The following DNAJB6 variants were observed in gnomAD, a reference collection of about 807,000 sequenced individuals.
DNAJB6 encodes DnaJ heat shock protein family (Hsp40) member B6, also known as dnaJ homolog subfamily B member 6.
In DNAJB6, 16 loss-of-function variants were observed where a neutral mutation model predicts 42.7. The ratio of observed to expected loss-of-function variants is 0.37; its 90% CI spans 0.25 to 0.57. The LOEUF (loss-of-function observed/expected upper bound fraction) is 0.57, where lower values mean the gene tolerates loss of function less well. DNAJB6 is among the 20% of genes least tolerant of loss of function. DNAJB6 has a pLI of 0.74. For missense variants in DNAJB6, 347 were observed against 416.8 expected (o/e 0.83, Z 1.46); for synonymous variants, 170 against 163.5 (o/e 1.04, Z -0.30).
At chr7:157,342,275 C>T (rs1188125074) in intron 1 of DNAJB6, among the ~76,000 whole-genome samples, 1 of 151,078 alleles carries the variant, frequency 6.6e-6, no homozygotes, top group Admixed American at 6.6e-5. Context: ...TCAAGTGATT[C>T]TCCTACCTCA....
chr7:157,410,033 G>T (rs1364355625), intron 9 of DNAJB6, 32 bp downstream of exon 9: 2 of 1,500,138 alleles, frequency 1.3e-6, no homozygotes, highest in South Asian at 1.3e-5. Flanking sequence ...TGGAGCAGGC[G>T]CAGAGTGAGA....
At chr7:157,342,381 A>T (rs1425324986) in intron 1 of DNAJB6, among the ~76,000 whole-genome samples, 1 of 109,958 alleles carries the variant, frequency 9.1e-6, no homozygotes, top group Non-Finnish European at 1.7e-5. Context: ...CTTGTTGCCC[A>T]GGCTGGAGTG....
chr7:157,412,228 C>G (rs1795999052), intron 9 of DNAJB6: 1 of 152,146 alleles, frequency 6.6e-6, no homozygotes, highest in South Asian at 2.1e-4. Context: ...AGTGAAATTG[C>G]AAAGCAGGGT....
intron 8 of DNAJB6, among the ~76,000 whole-genome samples, chr7:157,386,751 G>T (rs1299950401): frequency 6.6e-6 from 1 of 152,090 alleles, no homozygotes; most frequent in Admixed American, 6.6e-5. Flanking sequence ...GGGTGTGGTG[G>T]CAGGCGCCTG....
chr7:157,403,899 C>G (rs1795643304), intron 8 of DNAJB6, among the ~76,000 whole-genome samples: 1 of 152,244 alleles, frequency 6.6e-6, no homozygotes, highest in East Asian at 1.9e-4. Flanking sequence ...CACCCTGACC[C>G]AGGAGCCTCA....
intron 1 of DNAJB6, among the ~76,000 whole-genome samples, chr7:157,352,222 C>T (rs984296047): frequency 6.6e-6 from 1 of 151,696 alleles, no homozygotes; most frequent in African/African-American, 2.4e-5. Context: ...CCAGCTACTC[C>T]AGAGGCTGAG....
intron 1 of DNAJB6, among the ~76,000 whole-genome samples, chr7:157,355,450 G>A (rs180999317): frequency 0.011 from 1,691 of 152,338 alleles, 15 homozygotes; most frequent in Non-Finnish European, 0.018. Flanking sequence ...GTGAGCCACC[G>A]CACCCGGCCA....
intron 8 of DNAJB6, among the ~76,000 whole-genome samples, chr7:157,388,764 C>T (rs1193970699): frequency 6.6e-6 from 1 of 152,022 alleles, no homozygotes; most frequent in Non-Finnish European, 1.5e-5. Flanking sequence ...CCCTGTTTGG[C>T]ATCCTTTTGT....
At chr7:157,366,644 G>A (rs1368746022) in intron 4 of DNAJB6, 83 bp downstream of exon 4, 4 of 1,323,020 alleles carry the variant, frequency 3.0e-6, no homozygotes, top group Non-Finnish European at 4.3e-6. Context: ...CTTGGTCAGA[G>A]TCGATTTTGT....
intron 8 of DNAJB6, among the ~76,000 whole-genome samples, chr7:157,408,311 A>G (rs1795845597): frequency 6.6e-6 from 1 of 152,204 alleles, no homozygotes; most frequent in African/African-American, 2.4e-5. Context: ...TTCTGTGTTC[A>G]AAGTGTGGGG....
chr7:157,397,562 G>A (rs148514414), intron 8 of DNAJB6, among the ~76,000 whole-genome samples: 2 of 152,294 alleles, frequency 1.3e-5, no homozygotes, highest in African/African-American at 4.8e-5. Flanking sequence ...CTCAGCCTTC[G>A]CCCGTGCTCC....
chr7:157,360,708 T>A (rs1385568790), intron 2 of DNAJB6, among the ~76,000 whole-genome samples: 1 of 152,200 alleles, frequency 6.6e-6, no homozygotes, highest in Admixed American at 6.5e-5. Flanking sequence ...GTGCTGTTAG[T>A]CTATCTTGTG....
intron 8 of DNAJB6, among the ~76,000 whole-genome samples, chr7:157,395,114 C>CAAAA (rs34978309): frequency 4.0e-5 from 6 of 151,520 alleles, no homozygotes; most frequent in East Asian, 1.9e-4. Context: ...CCCCACCTCC[C>CAAAA]AAAAAACCCC....
intron 1 of DNAJB6, among the ~76,000 whole-genome samples, chr7:157,349,923 A>G (rs1026100480): frequency 3.3e-5 from 5 of 152,180 alleles, no homozygotes; most frequent in African/African-American, 9.6e-5. Flanking sequence ...GATTTCAGAC[A>G]TGAGCCACCG....
chr7:157,340,998 G>GCGCGCGCGCT (rs57155944), intron 1 of DNAJB6, among the ~76,000 whole-genome samples: 12,664 of 134,692 alleles, frequency 0.094, 621 homozygotes, highest in East Asian at 0.19. Context: ...GTGTGTGTGT[G>GCGCGCGCGCT]CGCGCGCGCA....
rs948048247 is a variant in DNAJB6 at position 157,358,744 on chromosome 7, C to T, written c.65+107C>T. On this transcript the variant is annotated intron_variant, in intron 2 of 9. Coordinates refer to ENST00000262177, the MANE Select transcript of DNAJB6 (RefSeq NM_058246.4). ...TGAAAATGGCTTTTAATGTAGTATA[C>T]CAGTCTTTGAATGCCACATAGTTTA... The T allele has an allele frequency of 3.5e-5, 30 of 858,014 alleles. No individual in the cohort carries two copies. The African/African-American group carries it at 3.7e-4, about 11-fold the overall frequency. 53.2% of individuals were successfully genotyped at this position (858,014 alleles called of 1,614,324 possible).
intron 1 of DNAJB6, among the ~76,000 whole-genome samples, chr7:157,344,637 C>T (rs1390943446): frequency 6.6e-6 from 1 of 151,822 alleles, no homozygotes; most frequent in Non-Finnish European, 1.5e-5. Flanking sequence ...ATTTTTGTGA[C>T]AGGGTCTTGC....
At chr7:157,410,091 T>A in intron 9 of DNAJB6, 90 bp downstream of exon 9, 1 of 1,455,454 alleles carries the variant, frequency 6.9e-7, no homozygotes. Flanking sequence ...GCGCCTGGGC[T>A]GCTGTGTTCT....
At chr7:157,376,546 CAT>C (rs1800482532) in intron 5 of DNAJB6, among the ~76,000 whole-genome samples, 2 of 152,144 alleles carry the variant, frequency 1.3e-5, no homozygotes, top group South Asian at 4.1e-4. Context: ...GTCCCAAGAA[CAT>C]GTGTCCAAGT....
Sources: gnomAD v4.1 joint callset for allele counts (sites outside exome capture counted in the v4.1 genomes callset) on GRCh38, gnomAD v4.1.1 for gene constraint, MANE v1.5 for transcripts, NCBI Gene and HGNC (gene_info 2026-07-23, HGNC 2026-07-21) for gene names.